The following IGFN1 variants were observed in gnomAD, a reference collection of about 807,000 sequenced individuals.
IGFN1 encodes the protein immunoglobulin like and fibronectin type III domain containing 1.
In IGFN1, 253 loss-of-function variants were observed where a neutral mutation model predicts 289.5. The observed-to-expected ratio is 0.87, with a 90% confidence interval of 0.79 to 0.97. IGFN1 has a LOEUF of 0.97. Ranked by LOEUF, IGFN1 falls within the 50% of genes least tolerant of loss-of-function variation. IGFN1 has a pLI of 0.00. For missense variants in IGFN1, 4,470 were observed against 4,686.1 expected, an observed-to-expected ratio of 0.95 and a Z score of 1.35; for synonymous variants, 1,706 against 1,788.5, an observed-to-expected ratio of 0.95 and a Z score of 1.16.
chr1:201,205,286 T>C lies in IGFN1; in HGVS notation c.1121T>C (p.Phe374Ser). ...THRLVVRGAR[F>S]SDMGPYSLGT... is the part of the protein sequence containing the mutation. The stretch of plus-strand genomic sequence containing the variant: ...CGGCTGGTGGTGAGGGGGGCACGTT[T>C]CTCAGACATGGGCCCCTATTCGCTG... The change falls in exon 11 of 24, where the codon TTC (phenylalanine) becomes TCC (serine). Residue 374 changes from phenylalanine to serine, a missense_variant. Physicochemically the swap from Phe to Ser is radical, Grantham distance 155 (BLOSUM62 -2). Transcript: ENST00000335211. 2.6e-6 allele frequency: 4 copies of C among 1,550,846 alleles called. No homozygotes were observed. Among genetic ancestry groups the C allele is most frequent in the Non-Finnish European group, 3.5e-6 (4 of 1,146,900 alleles).
At chr1:201,215,176 C>T (rs1653141366) in intron 14 of IGFN1, 22 bp downstream of exon 14, 9 of 1,608,120 alleles carry the variant, frequency 5.6e-6, no homozygotes, top group African/African-American at 2.7e-5. Flanking sequence ...CCCTGCCCTG[C>T]CCTGCCCTGT....
rs565048983 is a variant in IGFN1, at chr1:201,215,433, G to T, written c.8996-106G>T. 4.2e-5 allele frequency: 44 copies of T among 1,042,106 alleles called. No individual in the cohort carries two copies. The South Asian group carries it at 6.8e-4, about 16-fold the overall frequency. The allele number at this position is 1,042,106 out of a possible 1,614,324, so 64.6% of individuals were successfully genotyped here. ...TGTTTGTCCTCATGTGGTGGGGCAG[G>T]GGATTCCTTACTCTTCCCCCAAACT... On this transcript the variant is annotated intron_variant, in intron 14 of 23. Coordinates refer to ENST00000335211, the MANE Select transcript of IGFN1 (RefSeq NM_001164586.2).
At chr1:201,199,200 T>C (rs1667044150) in intron 5 of IGFN1, 134 bp from the exon 6 acceptor site, 6 of 762,398 alleles carry the variant, frequency 7.9e-6, no homozygotes, top group Non-Finnish European at 1.4e-5. Context: ...GCTGGGATCG[T>C]CCACGCCTTA....
intron 14 of IGFN1, 85 bp from the exon 15 acceptor site, chr1:201,215,454 A>G: frequency 7.8e-7 from 1 of 1,286,300 alleles, no homozygotes; most frequent in Non-Finnish European, 1.1e-6. Flanking sequence ...CTCTTCCCCC[A>G]AACTTCCTTC....
chr1:201,228,353 T>G, intron 23 of IGFN1, 33 bp from the exon 24 acceptor site: 1 of 1,613,190 alleles, frequency 6.2e-7, no homozygotes, highest in South Asian at 1.1e-5. Context: ...TGGCTGCCCC[T>G]CTGAACCAAC....
chr1:201,213,144 A>C lies in IGFN1; in HGVS notation c.8251A>C (p.Arg2751=), dbSNP rs757185002. The change falls in exon 12 of 24, where the codon AGA becomes CGA. Residue 2751 remains arginine (R), a synonymous_variant. Coordinates refer to ENST00000335211, the MANE Select transcript of IGFN1 (RefSeq NM_001164586.2). ...LDGPFGRKAS[R]DRSGGTQDLS... is the part of the protein sequence containing the mutation. The stretch of plus-strand genomic sequence containing the variant: ...TGGTCCCTTTGGCAGAAAAGCCTCT[A>C]GAGATAGGTCAGGAGGGACCCAGGA... 3 of 1,551,474 alleles carry C rather than the reference A, an allele frequency of 1.9e-6. No individual in the cohort carries two copies. In the Admixed American group the frequency reaches 5.9e-5, roughly 30 times the overall value.
chr1:201,203,827 C>G lies in IGFN1; in HGVS notation c.837C>G (p.Asp279Glu). The G allele has an allele frequency of 6.4e-7, 1 of 1,551,724 alleles. No individual in the cohort carries two copies. The highest frequency in any genetic ancestry group is 8.7e-7 in the Non-Finnish European group (1 of 1,147,004). ...AGCGCTATGAGTTCCAGATTCAAGACCTGAGGCCTGAGGACTCTGGCATTT... is the reference window on the plus strand; with the variant it reads ...AGCGCTATGAGTTCCAGATTCAAGAGCTGAGGCCTGAGGACTCTGGCATTT... ...LGKRYEFQIQ[D>E]LRPEDSGIYQ... The change falls in exon 10 of 24, where the codon GAC (aspartate) becomes GAG (glutamate). Residue 279 changes from aspartate (D) to glutamate (E), a missense_variant. Physicochemically the swap from Asp to Glu is conservative, Grantham distance 45. Around this residue, in one of 8 missense-constraint regions of IGFN1, gnomAD observed 2,011 missense variants for 1,953.4 expected, o/e 1.03. Coordinates refer to ENST00000335211, the MANE Select transcript of IGFN1 (RefSeq NM_001164586.2).
rs779402657 is a variant in IGFN1, at chr1:201,206,215, G to GT, written c.1322_1323insT (p.Arg441SerfsTer6). 6.5e-7 allele frequency: 1 copy of GT among 1,547,810 alleles called. No homozygotes were observed. Among genetic ancestry groups the GT allele is most frequent in the East Asian group, 2.4e-5 (1 of 40,918 alleles). On this transcript the variant is annotated frameshift_variant, in exon 12 of 24. Transcript: ENST00000335211. LOFTEE classifies it high-confidence loss of function. ...GAGAAATCCAGAGAGCAGGGCCCCA[G>GT]GGGGGGCTCCCTTGAAGGGGCTGGG...
chr1:201,224,573 A>C, intron 20 of IGFN1, 106 bp from the exon 21 acceptor site: 1 of 859,936 alleles, frequency 1.2e-6, no homozygotes, highest in Non-Finnish European at 1.8e-6. Flanking sequence ...TTCTCCTTGT[A>C]GAAGACTCTT....
intron 22 of IGFN1, among the ~76,000 whole-genome samples, chr1:201,226,410 G>A (rs761518045): frequency 4.1e-4 from 62 of 152,238 alleles, no homozygotes; most frequent in Admixed American, 4.6e-4. Context: ...AGCAGCCACA[G>A]ACAATAAGGC....
chr1:201,209,029 G>C lies in IGFN1; in HGVS notation c.4136G>C (p.Arg1379Thr). 6.5e-7 allele frequency: 1 copy of C among 1,536,790 alleles called. No individual in the cohort carries two copies. The highest frequency in any genetic ancestry group is 8.7e-7 in the Non-Finnish European group (1 of 1,146,820). Residue 1379 changes from arginine to threonine, a missense_variant, in exon 12 of 24, where the codon AGG becomes ACG. Physicochemically the swap from Arg to Thr is moderately conservative, Grantham distance 71. Transcript: ENST00000335211. ...GGGTCAATGGATGAAACAGATAATAGGAAAGATTTGGGGGTTCCTGAGGGA... is the reference window on the plus strand; with the variant it reads ...GGGTCAATGGATGAAACAGATAATACGAAAGATTTGGGGGTTCCTGAGGGA... ...EIGSMDETDN[R>T]KDLGVPEGMG...
Position 201,206,780 on chromosome 1 carries a change from T to G in IGFN1, c.1887T>G (p.Ile629Met). Residue 629 changes from isoleucine (I) to methionine (M), a missense_variant, in exon 12 of 24, where the codon ATT becomes ATG. Physicochemically the swap from Ile to Met is conservative, Grantham distance 10 (BLOSUM62 1). Transcript: ENST00000335211. ...GGCCAAGAGGAAAGCAGATAGAGATTTCACAGGATGACAGCCTGGCTGAGA... is the reference window on the plus strand; with the variant it reads ...GGCCAAGAGGAAAGCAGATAGAGATGTCACAGGATGACAGCCTGGCTGAGA... ...GSWPRGKQIE[I>M]SQDDSLAEMD... 1 of 1,536,784 alleles carries G rather than the reference T, an allele frequency of 6.5e-7. No homozygotes were observed. The highest frequency in any genetic ancestry group is 8.7e-7 in the Non-Finnish European group (1 of 1,146,868).
rs1010182742 is a variant in IGFN1 at position 201,201,852 on chromosome 1, G to A, written c.747+20G>A. The stretch of plus-strand genomic sequence containing the variant: ...TATAAGGTGAGGCTGGAGGGGCTAT[G>A]GGTGGGGGGGATCTGGCAGGGATGC... On this transcript the variant is annotated intron_variant, in intron 9 of 23. Transcript: ENST00000335211. The A allele has an allele frequency of 9.8e-6, 10 of 1,017,106 alleles. No homozygotes were observed. Among genetic ancestry groups the A allele is most frequent in the Admixed American group, 4.0e-5 (2 of 50,212 alleles). 63.0% of individuals were successfully genotyped at this position (1,017,106 alleles called of 1,614,324 possible).
In IGFN1 at chr1:201,218,512, T is replaced by C. The variant is rs922244053; in HGVS notation, c.9770-18T>C. 10 of 1,607,724 alleles carry C rather than the reference T, an allele frequency of 6.2e-6. No individual in the cohort carries two copies. Among genetic ancestry groups the C allele is most frequent in the Non-Finnish European group, 8.5e-6 (10 of 1,177,362 alleles). The stretch of plus-strand genomic sequence containing the variant: ...CAGCACCATCAGGGTGGGACTCACA[T>C]GGGCGGGCTGTTCACAGAGAGGAGG... On this transcript the variant is annotated intron_variant, in intron 17 of 23. Coordinates refer to ENST00000335211, the MANE Select transcript of IGFN1 (RefSeq NM_001164586.2).
intron 6 of IGFN1, 104 bp downstream of exon 6, chr1:201,199,482 C>T: frequency 7.2e-7 from 1 of 1,395,768 alleles, no homozygotes; most frequent in Non-Finnish European, 9.9e-7. Flanking sequence ...CCTTGTGGAT[C>T]ACCACCAGTC....
chr1:201,227,266 G>T, intron 23 of IGFN1, 58 bp downstream of exon 23: 1 of 1,408,280 alleles, frequency 7.1e-7, no homozygotes, highest in Non-Finnish European at 9.6e-7. Context: ...GCAACCACCT[G>T]CCTGTCAGGG....
In IGFN1 at chr1:201,225,811, G is replaced by T; in HGVS notation, c.10487-13G>T. ...CCCCTCCACGTGACCTCCCTCTGCC[G>T]TCTCTCCTGAAGCATGCCCGCAGGC... On this transcript the variant is annotated splice_polypyrimidine_tract_variant and intron_variant, in intron 21 of 23. Transcript: ENST00000335211. 3.8e-5 allele frequency: 61 copies of T among 1,600,428 alleles called. No individual in the cohort carries two copies. The highest frequency in any genetic ancestry group is 5.1e-5 in the Non-Finnish European group (60 of 1,174,646).
chr1:201,221,415 A>T (rs1472782790), intron 18 of IGFN1, 29 bp from the exon 19 acceptor site: 3 of 1,506,830 alleles, frequency 2.0e-6, no homozygotes, highest in Non-Finnish European at 2.7e-6. Flanking sequence ...AGGAGATGCC[A>T]TTCCTGACTC....
intron 10 of IGFN1, among the ~76,000 whole-genome samples, chr1:201,204,461 G>A (rs746005603): frequency 3.9e-5 from 6 of 152,206 alleles, no homozygotes; most frequent in East Asian, 1.9e-4. Flanking sequence ...AAAGGACAAC[G>A]AGAGGCCTGG....
Sources: allele counts gnomAD v4.1 joint callset (sites outside exome capture counted in the v4.1 genomes callset), GRCh38; gene constraint gnomAD v4.1.1; regional missense constraint gnomAD v4.1.1; transcripts MANE v1.5; gene names NCBI Gene and HGNC (gene_info 2026-07-23, HGNC 2026-07-21).